NPIPB2: variants seen among roughly 807,000 people sequenced by gnomAD.
The protein encoded by NPIPB2 is nuclear pore complex-interacting protein family member B2.
A neutral mutation model predicts 30.8 loss-of-function variants in NPIPB2; 27 were observed. The observed-to-expected ratio is 0.88, with a 90% confidence interval of 0.65 to 1.21. The LOEUF (loss-of-function observed/expected upper bound fraction) is 1.21. NPIPB2 is among the 50% of genes most tolerant of loss of function. The probability of loss-of-function intolerance (pLI) is 0.00; values close to 1 mark genes in which losing one functional copy is unlikely to be tolerated. For synonymous variants in NPIPB2, 147 were observed against 162.0 expected, an observed-to-expected ratio of 0.91 and a Z score of 0.70; for missense variants, 440 against 446.2, an observed-to-expected ratio of 0.99 and a Z score of 0.13.
At chr16:11,936,351 C>T (rs962549747) in intron 2 of NPIPB2, among the ~76,000 whole-genome samples, 1 of 151,264 alleles carries the variant, frequency 6.6e-6, no homozygotes, top group Admixed American at 6.6e-5. Flanking sequence ...CCAATTTATA[C>T]CGAAAATTCT....
intron 1 of NPIPB2, among the ~76,000 whole-genome samples, chr16:11,964,655 T>C (rs962338294): frequency 2.0e-5 from 3 of 152,174 alleles, no homozygotes; most frequent in Admixed American, 6.6e-5. Flanking sequence ...CCTCAAGTGA[T>C]CCACCTGCCT....
chr16:11,972,142 T>C (rs2055239751), intron 1 of NPIPB2, among the ~76,000 whole-genome samples: 2 of 151,902 alleles, frequency 1.3e-5, no homozygotes. Context: ...TGCGAGACTC[T>C]GTCTCAAAAA....
At chr16:11,944,089 C>A (rs1440130517), upstream of NPIPB2, among the ~76,000 whole-genome samples, 1 of 147,858 alleles carries the variant, frequency 6.8e-6, no homozygotes, top group Non-Finnish European at 1.5e-5. Context: ...TACATTACCA[C>A]AAATTTTAAA....
intron 1 of NPIPB2, among the ~76,000 whole-genome samples, chr16:11,955,371 A>G (rs1381047903): frequency 1.3e-5 from 2 of 151,414 alleles, no homozygotes; most frequent in Middle Eastern, 3.4e-3. Flanking sequence ...AAAAAAAAAA[A>G]AAAAAGGTTT....
At chr16:11,954,906 T>C (rs2055097503) in intron 1 of NPIPB2, among the ~76,000 whole-genome samples, 1 of 31,148 alleles carries the variant, frequency 3.2e-5, no homozygotes, top group Admixed American at 2.5e-4. Context: ...AGACTCTGTC[T>C]CAAAAAAAAA....
At chr16:11,968,589 T>C (rs943629432) in intron 1 of NPIPB2, 5 of 151,964 alleles carry the variant, frequency 3.3e-5, no homozygotes, top group African/African-American at 1.2e-4. Context: ...TATTCAGGAG[T>C]CTTGTTCCTG....
At position 11,952,031 on chromosome 16, in the gene NPIPB2, C is replaced by T. The variant is rs1017667660; in HGVS notation, c.-583-9917G>A. ...AAAATTAGCCGGGCGTAGTGGCGGGCGCCTGTAGTCCCAGCTACTTGGGAG... is the reference window on the plus strand; with the variant it reads ...AAAATTAGCCGGGCGTAGTGGCGGGTGCCTGTAGTCCCAGCTACTTGGGAG... On this transcript the variant is annotated intron_variant, in intron 1 of 5. Transcript: ENST00000538896. Among the ~76,000 whole-genome samples, 172 of 151,632 alleles carry T rather than the reference C, an allele frequency of 1.1e-3. 1 individual carries two copies. The highest frequency in any genetic ancestry group is 3.8e-3 in the African/African-American group (157 of 41,428).
intron 1 of NPIPB2, among the ~76,000 whole-genome samples, chr16:11,953,764 G>A (rs1268120556): frequency 1.4e-5 from 2 of 138,478 alleles, no homozygotes; most frequent in Non-Finnish European, 3.1e-5. Flanking sequence ...GGTCTGGGCT[G>A]GAATGCAGTG....
At chr16:11,966,301 G>C (rs1172709519) in intron 1 of NPIPB2, 1 of 1,613,896 alleles carries the variant, frequency 6.2e-7, no homozygotes, top group Non-Finnish European at 8.5e-7. Context: ...TGCTAAGGAA[G>C]ATAAACTCTG....
At chr16:11,952,753 A>G (rs2055079100) in intron 1 of NPIPB2, among the ~76,000 whole-genome samples, 1 of 151,180 alleles carries the variant, frequency 6.6e-6, no homozygotes, top group Non-Finnish European at 1.5e-5. Flanking sequence ...TTTAGTAGAG[A>G]TAGGGTTTTG....
At chr16:11,933,591 G>C in exon 4 of NPIPB2, 1 of 1,569,072 alleles carries the variant, frequency 6.4e-7, no homozygotes, top group Non-Finnish European at 8.5e-7. Context: ...TCATCTTACG[G>C]ATTTTAGCTC....
chr16:11,943,945 C>T (rs927226684), upstream of NPIPB2, among the ~76,000 whole-genome samples: 8 of 133,482 alleles, frequency 6.0e-5, no homozygotes, highest in African/African-American at 8.3e-5. Context: ...TGGCAGTGAG[C>T]CGAGATCGCG....
At chr16:11,955,390 A>G (rs1352355170) in intron 1 of NPIPB2, among the ~76,000 whole-genome samples, 1 of 146,062 alleles carries the variant, frequency 6.8e-6, no homozygotes, top group Non-Finnish European at 1.5e-5. Context: ...TTCGGGATTT[A>G]GAGAGAGACT....
chr16:11,959,433 G>GA (rs977074858), intron 1 of NPIPB2, among the ~76,000 whole-genome samples: 3 of 151,438 alleles, frequency 2.0e-5, no homozygotes, highest in Non-Finnish European at 2.9e-5. Flanking sequence ...AATTAAAAAG[G>GA]AAAAAAAATT....
intron 1 of NPIPB2, among the ~76,000 whole-genome samples, chr16:11,953,712 A>ATTTTTTTT (rs36103994): frequency 1.3e-5 from 1 of 75,546 alleles, no homozygotes; most frequent in African/African-American, 4.6e-5. Context: ...ATTTACTTTA[A>ATTTTTTTT]TTTTTTTTTT....
intron 1 of NPIPB2, among the ~76,000 whole-genome samples, chr16:11,960,850 G>C (rs1028903683): frequency 6.6e-6 from 1 of 151,672 alleles, no homozygotes; most frequent in Non-Finnish European, 1.5e-5. Flanking sequence ...ACTGTTATGG[G>C]AGATTTTTTT....
intron 1 of NPIPB2, chr16:11,966,107 T>A: frequency 7.3e-7 from 1 of 1,377,668 alleles, no homozygotes; most frequent in Non-Finnish European, 9.8e-7. Flanking sequence ...CAAGACTTTG[T>A]CTCAAAATAA....
upstream of NPIPB2, among the ~76,000 whole-genome samples, chr16:11,943,843 A>T (rs28441992): frequency 0.017 from 2,489 of 147,860 alleles, 56 homozygotes; most frequent in African/African-American, 0.059. Flanking sequence ...CTAAAAATAC[A>T]AAAAATTAGC....
At position 11,927,761 on chromosome 16, in the gene NPIPB2, T is replaced by C. The variant is rs978693516; in HGVS notation, c.806A>G (p.His269Arg). The change falls in exon 8 of 8, where the codon CAT becomes CGT. Residue 269 changes from histidine to arginine, a missense_variant. His to Arg is a conservative substitution (Grantham distance 29). This residue lies in a region of NPIPB2 where 48 missense variants were observed against 96.4 expected (regional missense o/e 0.50). Transcript: ENST00000399147. ...GCTCAGGGAGTTATCAGTTATAGAATGTTGTTGAGTTGGAGGAGGTGGCTG... is the reference window on the plus strand; with the variant it reads ...GCTCAGGGAGTTATCAGTTATAGAACGTTGTTGAGTTGGAGGAGGTGGCTG... The C allele has an allele frequency of 5.6e-6, 9 of 1,594,972 alleles. No individual in the cohort carries two copies. The Admixed American group carries it at 8.4e-5, about 15-fold the overall frequency.
Sources: allele counts gnomAD v4.1 joint callset (sites outside exome capture counted in the v4.1 genomes callset), GRCh38; gene constraint gnomAD v4.1.1; regional missense constraint gnomAD v4.1.1; transcripts MANE v1.5; gene names NCBI Gene and HGNC (gene_info 2026-07-23, HGNC 2026-07-21).